Variants in CACNA1D observed in about 807,000 individuals in gnomAD.
CACNA1D encodes the protein voltage-dependent L-type calcium channel subunit alpha-1D.
CACNA1D carries 55 observed loss-of-function variants against 257.1 expected under a neutral mutation model. The ratio of observed to expected loss-of-function variants is 0.21; its 90% CI spans 0.17 to 0.27. CACNA1D has a LOEUF of 0.27. CACNA1D is among the 10% of genes least tolerant of loss of function. The probability of loss-of-function intolerance (pLI) is 1.00; values close to 1 mark genes in which losing one functional copy is unlikely to be tolerated. For missense variants in CACNA1D, 1,876 were observed against 2,784.0 expected (o/e 0.67, Z 7.34); for synonymous variants, 980 against 1,014.9 (o/e 0.97, Z 0.65).
intron 20 of CACNA1D, among the ~76,000 whole-genome samples, chr3:53,737,449 T>C (rs1217860905): frequency 6.6e-6 from 1 of 152,196 alleles, no homozygotes; most frequent in African/African-American, 2.4e-5. Flanking sequence ...CACTACACCA[T>C]TTTATATCAG....
chr3:53,555,137 C>T (rs542024467), intron 3 of CACNA1D, among the ~76,000 whole-genome samples: 4 of 152,264 alleles, frequency 2.6e-5, no homozygotes, highest in Non-Finnish European at 4.4e-5. Flanking sequence ...GTGTATCTGG[C>T]GTGGTCCCAT....
intron 3 of CACNA1D, among the ~76,000 whole-genome samples, chr3:53,604,549 AC>A (rs1190603891): frequency 6.6e-6 from 1 of 152,100 alleles, no homozygotes; most frequent in Non-Finnish European, 1.5e-5. Flanking sequence ...TAGCTCAGAA[AC>A]CTTTTAATAG....
intron 7 of CACNA1D, among the ~76,000 whole-genome samples, chr3:53,667,536 T>C (rs1473424969): frequency 6.6e-6 from 1 of 152,220 alleles, no homozygotes; most frequent in Admixed American, 6.5e-5. Context: ...TGTAAATTGA[T>C]AAGTAGCTTC....
In CACNA1D at chr3:53,800,399, T is replaced by C; in HGVS notation, c.5040+34T>C. 1 of 1,373,870 alleles carries C rather than the reference T, an allele frequency of 7.3e-7. No individual in the cohort carries two copies. Among genetic ancestry groups the C allele is most frequent in the Non-Finnish European group, 1.0e-6 (1 of 960,650 alleles). The allele number at this position is 1,373,870 out of a possible 1,614,324, so 85.1% of individuals were successfully genotyped here. The stretch of plus-strand genomic sequence containing the variant: ...TCCACGCCTAGCTACACACTGGCCA[T>C]CTGGAAATAGCAGGGCAGGACTCCA... On this transcript the variant is annotated intron_variant, in intron 41 of 47. Transcript: ENST00000350061. This position sits in a 1 kb window ranked among gnomAD's most constrained non-coding sequence, Gnocchi z 4.3.
chr3:53,811,041 T>C lies in CACNA1D; in HGVS notation c.6193-72T>C. The C allele has an allele frequency of 1.6e-6, 2 of 1,252,244 alleles. No homozygotes were observed. The highest frequency in any genetic ancestry group is 1.2e-5 in the South Asian group (1 of 83,338). The allele number at this position is 1,252,244 out of a possible 1,614,324, so 77.6% of individuals were successfully genotyped here. On this transcript the variant is annotated intron_variant, in intron 47 of 47. Transcript: ENST00000350061. This position sits in a 1 kb window ranked among gnomAD's most constrained non-coding sequence, Gnocchi z 4.2. ...GCAGTTAAGTTAGCACTGGAGTTGA[T>C]TTTTCTGTCGTCCCCCTGCCCTGCA...
At chr3:53,779,104 A>C (rs1444890246) in intron 37 of CACNA1D, among the ~76,000 whole-genome samples, 1 of 152,146 alleles carries the variant, frequency 6.6e-6, no homozygotes, top group African/African-American at 2.4e-5. Context: ...TTCAAGACCA[A>C]CCTGGGCAAC....
chr3:53,619,222 C>T (rs1195665349), intron 3 of CACNA1D, among the ~76,000 whole-genome samples: 2 of 152,176 alleles, frequency 1.3e-5, no homozygotes, highest in South Asian at 4.1e-4. Flanking sequence ...ATGGACTGAG[C>T]CTCAGTAGAA....
rs140020484 is a variant in CACNA1D at position 53,528,270 on chromosome 3, CAT to C, written c.483+26553_483+26554del. Among the ~76,000 whole-genome samples the C allele has an allele frequency of 9.8e-5, 15 of 152,302 alleles. No individual in the cohort carries two copies. The East Asian group carries it at 2.5e-3, about 25-fold the overall frequency. The stretch of plus-strand genomic sequence containing the variant: ...TGTGGGTATCCAGTTGCTCCAGCAA[CAT>C]ATGTTGAAAATGCTTTCCTGTCCTC... On this transcript the variant is annotated intron_variant, in intron 3 of 47. Transcript: ENST00000350061.
At chr3:53,730,712 G>A (rs1045397765) in intron 16 of CACNA1D, among the ~76,000 whole-genome samples, 156 bp downstream of exon 16, 4 of 152,238 alleles carry the variant, frequency 2.6e-5, no homozygotes, top group African/African-American at 9.6e-5. Context: ...AGACCAAAAC[G>A]GATGGAATCT....
At chr3:53,550,309 T>G (rs2092504734) in intron 3 of CACNA1D, among the ~76,000 whole-genome samples, 1 of 152,096 alleles carries the variant, frequency 6.6e-6, no homozygotes, top group Non-Finnish European at 1.5e-5. Context: ...CTCTGTGGTG[T>G]GAAATTACCC....
At chr3:53,773,417 C>A in intron 33 of CACNA1D, 1 of 179,234 alleles carries the variant, frequency 5.6e-6, no homozygotes. Context: ...GGGAAAGGGA[C>A]TGGGCCTGCC....
intron 2 of CACNA1D, among the ~76,000 whole-genome samples, chr3:53,500,253 TAAAAAAA>T (rs55823212): frequency 1.2e-4 from 5 of 40,932 alleles, no homozygotes; most frequent in Admixed American, 9.0e-4. Flanking sequence ...CTGTCTCTAC[TAAAAAAA>T]AAAAAAAAAA....
chr3:53,810,380 T>G lies in CACNA1D; in HGVS notation c.6192+82T>G. On this transcript the variant is annotated intron_variant, in intron 47 of 47. Coordinates refer to ENST00000350061, the MANE Select transcript of CACNA1D (RefSeq NM_001128840.3). ...ACTGTAACAGCAGGAAGGGCAGTGG[T>G]GGGAGGGCGGCCAGGCTGTGAGCTA... 7 of 1,395,018 alleles carry G rather than the reference T, an allele frequency of 5.0e-6. No homozygotes were observed. The South Asian group carries it at 8.1e-5, about 16-fold the overall frequency. The allele number at this position is 1,395,018 out of a possible 1,614,324, so 86.4% of individuals were successfully genotyped here.
rs949515812 is a variant in CACNA1D, at chr3:53,495,189, A to T, written c.23A>T (p.Lys8Ile). 4 of 1,613,472 alleles carry T rather than the reference A, an allele frequency of 2.5e-6. No homozygotes were observed. Among genetic ancestry groups the T allele is most frequent in the Non-Finnish European group, 3.4e-6 (4 of 1,179,894 alleles). Residue 8 changes from lysine to isoleucine, a missense_variant, in exon 1 of 48, where the codon AAA becomes ATA. Lys to Ile is a moderately radical substitution (Grantham distance 102). Transcript: ENST00000350061. This position sits in a 1 kb window ranked among gnomAD's most constrained non-coding sequence, Gnocchi z 5.1. Reference sequence around the variant, plus strand: ...TGGATGATGATGATGATGATGATGAAAAAAATGCAGCATCAACGGCAGCAG... The same window carrying T: ...TGGATGATGATGATGATGATGATGATAAAAATGCAGCATCAACGGCAGCAG... MMMMMMM[K>I]KMQHQRQQQA...
intron 35 of CACNA1D, 58 bp from the exon 36 acceptor site, chr3:53,776,545 C>T (rs2095398423): frequency 2.5e-6 from 4 of 1,607,542 alleles, no homozygotes; most frequent in Non-Finnish European, 3.4e-6. Flanking sequence ...AGCCTGTGCT[C>T]AGTTCTAACG....
chr3:53,628,640 T>A (rs1017212533), intron 3 of CACNA1D, among the ~76,000 whole-genome samples: 1 of 152,198 alleles, frequency 6.6e-6, no homozygotes, highest in Non-Finnish European at 1.5e-5. Context: ...AGTAGCAGTT[T>A]CTTTTGTGCC....
chr3:53,607,613 G>A (rs900138423), intron 3 of CACNA1D, among the ~76,000 whole-genome samples: 6 of 152,182 alleles, frequency 3.9e-5, no homozygotes, highest in East Asian at 1.9e-4. Flanking sequence ...CCAGCAACCC[G>A]AATTAGTCTG....
chr3:53,673,633 T>G lies in CACNA1D; in HGVS notation c.1220+507T>G. The G allele has an allele frequency of 9.8e-7, 1 of 1,016,312 alleles. No homozygotes were observed. The highest frequency in any genetic ancestry group is 1.3e-5 in the South Asian group (1 of 78,736). The allele number at this position is 1,016,312 out of a possible 1,614,324, so 63.0% of individuals were successfully genotyped here. A position where few individuals can be genotyped will look rare whatever the true frequency, so the allele number is the denominator to read the frequency against. On this transcript the variant is annotated intron_variant, in intron 8 of 47. Transcript: ENST00000350061. This position sits in a 1 kb window ranked among gnomAD's most constrained non-coding sequence, Gnocchi z 4.1. ...GGAGCACTAACCTTCAGCAAAGCAC[T>G]GAGAGGTTTGGCAGCTGCAACTGGG... is the stretch of plus-strand genomic sequence containing the variant.
intron 7 of CACNA1D, among the ~76,000 whole-genome samples, chr3:53,669,445 TAA>T (rs1398035287): frequency 6.6e-6 from 1 of 152,254 alleles, no homozygotes; most frequent in Non-Finnish European, 1.5e-5. Context: ...TCTTGGGAGA[TAA>T]AAAGAGATTA....
Sources: allele counts gnomAD v4.1 joint callset (sites outside exome capture counted in the v4.1 genomes callset), GRCh38; gene constraint gnomAD v4.1.1; non-coding constraint Gnocchi (gnomAD v3.1); transcripts MANE v1.5; gene names NCBI Gene and HGNC (gene_info 2026-07-23, HGNC 2026-07-21).